PATJ: variants seen among roughly 807,000 people sequenced by gnomAD.
The protein encoded by PATJ is inaD-like protein.
PATJ carries 190 observed loss-of-function variants against 224.9 expected under a neutral mutation model. That is an observed-to-expected ratio of 0.84 (90% CI 0.75 to 0.95). PATJ has a LOEUF of 0.95. Ranked by LOEUF, PATJ falls within the 40% of genes least tolerant of loss-of-function variation. The pLI, the probability that PATJ is intolerant of heterozygous loss-of-function variation, is 0.00. For missense variants in PATJ, 2,121 were observed against 2,270.3 expected, an observed-to-expected ratio of 0.93 and a Z score of 1.34; for synonymous variants, 769 against 820.3, an observed-to-expected ratio of 0.94 and a Z score of 1.07.
intron 17 of PATJ, among the ~76,000 whole-genome samples, chr1:61,838,597 C>G (rs1557735651): frequency 6.8e-6 from 1 of 147,768 alleles, no homozygotes. Flanking sequence ...GTCTCGATCT[C>G]CTGACCTCGT....
intron 16 of PATJ, among the ~76,000 whole-genome samples, chr1:61,828,199 C>G (rs993139983): frequency 3.3e-5 from 5 of 150,292 alleles, no homozygotes; most frequent in African/African-American, 1.2e-4. Context: ...GCTGAGATCA[C>G]GCCATTGCAC....
intron 42 of PATJ, among the ~76,000 whole-genome samples, chr1:62,151,177 T>C (rs1668595301): frequency 6.6e-6 from 1 of 152,022 alleles, no homozygotes; most frequent in South Asian, 2.1e-4. Flanking sequence ...AAGAAATCAG[T>C]TAACAATTTA....
At chr1:61,753,751 C>G (rs1203426406) in intron 1 of PATJ, among the ~76,000 whole-genome samples, 1 of 151,886 alleles carries the variant, frequency 6.6e-6, no homozygotes, top group Non-Finnish European at 1.5e-5. Context: ...CTCAGGTGAT[C>G]CACCTGCCTT....
chr1:62,048,514 C>G (rs1652953842), intron 30 of PATJ, among the ~76,000 whole-genome samples: 1 of 120,030 alleles, frequency 8.3e-6, no homozygotes, highest in East Asian at 2.8e-4. Context: ...CCACTGCATT[C>G]TAGCCTGGGC....
chr1:61,917,110 T>G (rs191654680), intron 26 of PATJ, among the ~76,000 whole-genome samples: 87 of 152,340 alleles, frequency 5.7e-4, no homozygotes, highest in Admixed American at 5.3e-3. Context: ...GTGGCTAATT[T>G]GTTGGTTTTG....
intron 42 of PATJ, among the ~76,000 whole-genome samples, chr1:62,153,039 GA>G (rs532477880): frequency 2.9e-5 from 4 of 135,672 alleles, no homozygotes; most frequent in Admixed American, 7.4e-5. Context: ...CTCAAAAAAA[GA>G]AAAAAAAAAG....
intron 8 of PATJ, among the ~76,000 whole-genome samples, chr1:61,790,999 T>C (rs1649740170): frequency 6.6e-6 from 1 of 152,250 alleles, no homozygotes; most frequent in Non-Finnish European, 1.5e-5. Context: ...TTTCGGCTCC[T>C]TAAGGTCCCC....
chr1:61,943,127 G>A (rs1011584646), intron 27 of PATJ, among the ~76,000 whole-genome samples: 4 of 152,190 alleles, frequency 2.6e-5, no homozygotes, highest in African/African-American at 9.7e-5. Context: ...AGTAAAGGAA[G>A]CCTGCTGAGA....
chr1:62,104,662 T>C (rs1271445416), intron 33 of PATJ, among the ~76,000 whole-genome samples: 1 of 152,154 alleles, frequency 6.6e-6, no homozygotes, highest in Non-Finnish European at 1.5e-5. Flanking sequence ...TCTTCACTGA[T>C]AACTTTATTT....
intron 25 of PATJ, among the ~76,000 whole-genome samples, chr1:61,911,143 T>C (rs928632394): frequency 7.2e-5 from 11 of 152,202 alleles, no homozygotes; most frequent in African/African-American, 2.7e-4. Flanking sequence ...GTTGTTTTTA[T>C]CTGTGTGCAT....
At chr1:61,915,225 C>G (rs1291006386) in intron 26 of PATJ, among the ~76,000 whole-genome samples, 2 of 152,170 alleles carry the variant, frequency 1.3e-5, no homozygotes, top group Admixed American at 1.3e-4. Flanking sequence ...TTGTTGTTCT[C>G]TTGGGGAATT....
At chr1:61,794,393 C>G (rs964817489) in intron 9 of PATJ, among the ~76,000 whole-genome samples, 3 of 152,098 alleles carry the variant, frequency 2.0e-5, no homozygotes, top group Non-Finnish European at 4.4e-5. Context: ...GATCCTCCCC[C>G]CTCAGCCTCC....
chr1:61,980,171 G>A (rs1416204125), intron 27 of PATJ, among the ~76,000 whole-genome samples: 2 of 151,980 alleles, frequency 1.3e-5, no homozygotes, highest in African/African-American at 4.8e-5. Flanking sequence ...TGTAGTCCCA[G>A]CTATTCAGGA....
chr1:61,940,739 A>G (rs1307226545), intron 27 of PATJ, among the ~76,000 whole-genome samples: 9 of 151,232 alleles, frequency 6.0e-5, no homozygotes, highest in East Asian at 1.9e-4. Flanking sequence ...AAAAAAGAGA[A>G]AAAGAAAAGA....
intron 28 of PATJ, among the ~76,000 whole-genome samples, chr1:61,993,198 A>G (rs1645165637): frequency 6.6e-6 from 1 of 152,214 alleles, no homozygotes; most frequent in Admixed American, 6.5e-5. Flanking sequence ...TTAATTTGCT[A>G]GGGTGGCTCA....
At position 61,801,760 on chromosome 1, in the gene PATJ, G is replaced by C. The variant is rs1470903477; in HGVS notation, c.1540G>C (p.Glu514Gln). The part of the protein sequence containing the change: ...TLKNDNIQAL[E>Q]KLEKVPDSPE... ...AAAAAATGACAACATACAAGCCTTAGAAAAATTGGGTAGGCACAAAGCATT... is the reference window on the plus strand; with the variant it reads ...AAAAAATGACAACATACAAGCCTTACAAAAATTGGGTAGGCACAAAGCATT... The change falls in exon 12 of 44, where the codon GAA (glutamate) becomes CAA (glutamine). Residue 514 changes from glutamate (E) to glutamine (Q), a missense_variant. Glu to Gln is a conservative substitution (Grantham distance 29). Coordinates refer to ENST00000642238, the MANE Select transcript of PATJ (RefSeq NM_001350145.3). 6.3e-7 allele frequency: 1 copy of C among 1,581,178 alleles called. No homozygotes were observed. Among genetic ancestry groups the C allele is most frequent in the East Asian group, 2.2e-5 (1 of 44,558 alleles).
Position 61,901,357 on chromosome 1 carries a change from A to C in PATJ, c.3279A>C (p.Leu1093=). 2 of 1,588,552 alleles carry C rather than the reference A, an allele frequency of 1.3e-6. No individual in the cohort carries two copies. Among genetic ancestry groups the C allele is most frequent in the Non-Finnish European group, 1.7e-6 (2 of 1,171,422 alleles). ...GTGGACAAACTGTTATAAAACGTCT[A>C]AAGAATGGAGAGGAGCTTAAAGGTA... ...IVGGQTVIKR[L]KNGEELKGIF... The change falls in exon 24 of 44, where the codon CTA becomes CTC. Residue 1093 remains leucine, a synonymous_variant. Coordinates refer to ENST00000642238, the MANE Select transcript of PATJ (RefSeq NM_001350145.3).
chr1:61,801,616 GT>G lies in PATJ; in HGVS notation c.1403-3del. The G allele has an allele frequency of 6.7e-7, 1 of 1,485,902 alleles. No individual in the cohort carries two copies. The allele number at this position is 1,485,902 out of a possible 1,614,324, so 92.0% of individuals were successfully genotyped here. The stretch of plus-strand genomic sequence containing the variant: ...AAATTTTAAAAAATTATTTTTTTTT[GT>G]TTTAGGAACTGTTGTAGAACCACTG... On this transcript the variant is annotated splice_polypyrimidine_tract_variant and splice_region_variant and intron_variant, in intron 11 of 43. Coordinates refer to ENST00000642238, the MANE Select transcript of PATJ (RefSeq NM_001350145.3).
chr1:62,042,879 T>C (rs1396589504), intron 30 of PATJ, among the ~76,000 whole-genome samples: 1 of 152,180 alleles, frequency 6.6e-6, no homozygotes, highest in African/African-American at 2.4e-5. Context: ...ACTCCTGACC[T>C]GAAGCAGTCC....
Sources: allele counts gnomAD v4.1 joint callset (sites outside exome capture counted in the v4.1 genomes callset), GRCh38; gene constraint gnomAD v4.1.1; transcripts MANE v1.5; gene names NCBI Gene and HGNC (gene_info 2026-07-23, HGNC 2026-07-21).